RNF212B: variants seen among roughly 807,000 people sequenced by gnomAD.
RNF212B encodes ring finger protein 212B, also known as E3 ubiquitin-protein ligase RNF212B.
A neutral mutation model predicts 55.5 loss-of-function variants in RNF212B; 52 were observed. That is an observed-to-expected ratio of 0.94 (90% CI 0.75 to 1.18). The LOEUF is 1.18. Ranked by LOEUF, RNF212B falls within the 50% of genes most tolerant of loss-of-function variation. RNF212B has a pLI of 0.00. For missense variants in RNF212B, 289 were observed against 350.4 expected (o/e 0.82, Z 1.40); for synonymous variants, 99 against 121.4 (o/e 0.82, Z 1.21).
chr14:23,267,003 C>T (rs1356299278), intron 11 of RNF212B, among the ~76,000 whole-genome samples: 2 of 152,110 alleles, frequency 1.3e-5, no homozygotes, highest in Non-Finnish European at 2.9e-5. Context: ...GAGTCTCGTG[C>T]TGTTGTTGAT....
chr14:23,258,462 T>A (rs1885022958), intron 4 of RNF212B, 87 bp from the exon 5 acceptor site: 1 of 590,744 alleles, frequency 1.7e-6, no homozygotes. Flanking sequence ...TATAATAAAG[T>A]GTGATTTGAT....
intron 2 of RNF212B, among the ~76,000 whole-genome samples, chr14:23,196,550 C>T (rs544783459): frequency 6.6e-6 from 1 of 152,362 alleles, no homozygotes; most frequent in South Asian, 2.1e-4. Flanking sequence ...AGCAATCCTC[C>T]CGCCTCAGCC....
intron 2 of RNF212B, among the ~76,000 whole-genome samples, chr14:23,228,140 G>A (rs919813973): frequency 3.3e-5 from 5 of 152,004 alleles, no homozygotes; most frequent in African/African-American, 1.2e-4. Flanking sequence ...TGAGGCAGGA[G>A]AATTGCTTGA....
In RNF212B at chr14:23,214,827, C is replaced by A. The variant is rs150902568; in HGVS notation, c.-2+21426C>A. ...ATATTAGAAGAAATAATGGCTGAAA[C>A]CTTTCCAAATCTGTTGAAAGAAATA... On this transcript the variant is annotated intron_variant, in intron 2 of 15. Coordinates refer to the RNF212B transcript ENST00000399910. Among the ~76,000 whole-genome samples the A allele has an allele frequency of 1.8e-3, 268 of 152,094 alleles. 2 individuals carry two copies. Among genetic ancestry groups the A allele is most frequent in the African/African-American group, 5.9e-3 (245 of 41,468 alleles).
At chr14:23,228,599 T>G (rs1387807655) in intron 2 of RNF212B, among the ~76,000 whole-genome samples, 3 of 149,848 alleles carry the variant, frequency 2.0e-5, no homozygotes, top group Non-Finnish European at 4.5e-5. Context: ...CAGTGACTTG[T>G]GATCACATTA....
chr14:23,213,247 A>C (rs991377886), intron 2 of RNF212B, among the ~76,000 whole-genome samples: 3 of 151,760 alleles, frequency 2.0e-5, no homozygotes, highest in Non-Finnish European at 4.4e-5. Flanking sequence ...CGTGAGGCGG[A>C]GCTTGCAGTG....
chr14:23,249,360 A>G (rs922251820), intron 4 of RNF212B, among the ~76,000 whole-genome samples: 18 of 152,164 alleles, frequency 1.2e-4, no homozygotes, highest in Non-Finnish European at 2.9e-5. Flanking sequence ...AGCTTGGGCA[A>G]CATAGTGAAA....
intron 4 of RNF212B, among the ~76,000 whole-genome samples, chr14:23,245,456 CA>C (rs1883916667): frequency 6.6e-6 from 1 of 152,298 alleles, no homozygotes; most frequent in African/African-American, 2.4e-5. Flanking sequence ...AGTTAATGAT[CA>C]GTAGAGAAAT....
chr14:23,204,918 T>C (rs1422982096), intron 2 of RNF212B, among the ~76,000 whole-genome samples: 1 of 152,180 alleles, frequency 6.6e-6, no homozygotes, highest in African/African-American at 2.4e-5. Flanking sequence ...GTACTTTTCC[T>C]TGTAGAGGTC....
chr14:23,233,738 T>C (rs1882898380), upstream of RNF212B, among the ~76,000 whole-genome samples: 1 of 112,528 alleles, frequency 8.9e-6, no homozygotes, highest in Admixed American at 9.0e-5. Context: ...TGAGACCCTG[T>C]CTCAAAAAAA....
At chr14:23,257,050 G>A (rs1340703880) in intron 4 of RNF212B, among the ~76,000 whole-genome samples, 1 of 152,144 alleles carries the variant, frequency 6.6e-6, no homozygotes, top group Non-Finnish European at 1.5e-5. Flanking sequence ...CTACTCAGGA[G>A]GCTGAGGCAG....
chr14:23,264,686 A>C lies in RNF212B; in HGVS notation c.634+15A>C. 2 of 1,279,376 alleles carry C rather than the reference A, an allele frequency of 1.6e-6. No homozygotes were observed. The highest frequency in any genetic ancestry group is 6.6e-5 in the South Asian group (2 of 30,444). 79.3% of individuals were successfully genotyped at this position (1,279,376 alleles called of 1,614,324 possible). A position where few individuals can be genotyped will look rare whatever the true frequency, so the allele number is the denominator to read the frequency against. ...CTCTTATAATGGTGAGGTGGGGGGAAAAGGGTGTCAGAAATCAACTTACTC... is the reference window on the plus strand; with the variant it reads ...CTCTTATAATGGTGAGGTGGGGGGACAAGGGTGTCAGAAATCAACTTACTC... On this transcript the variant is annotated intron_variant, in intron 11 of 14. Coordinates refer to ENST00000430154, the MANE Select transcript of RNF212B (RefSeq NM_001282322.3).
intron 1 of RNF212B, among the ~76,000 whole-genome samples, chr14:23,189,605 C>A (rs999148455): frequency 6.6e-6 from 1 of 151,844 alleles, no homozygotes; most frequent in Non-Finnish European, 1.5e-5. Context: ...GAATTTGAGA[C>A]CAGCCTGGGC....
At chr14:23,210,910 A>G (rs1032608555) in intron 2 of RNF212B, among the ~76,000 whole-genome samples, 2 of 152,148 alleles carry the variant, frequency 1.3e-5, no homozygotes, top group Non-Finnish European at 2.9e-5. Context: ...CAAAATAAAA[A>G]GCTATTTTAC....
rs1885040493 is a variant in RNF212B, at chr14:23,258,634, A to G, written c.314A>G (p.Glu105Gly). ...ACAAAGTTAGAAACAGCCATGCAGGAGGCACAGCAAGCACTGGTGAGCCAG... is the reference window on the plus strand; with the variant it reads ...ACAAAGTTAGAAACAGCCATGCAGGGGGCACAGCAAGCACTGGTGAGCCAG... ...RITKLETAMQ[E>G]AQQALVSQDK... Residue 105 changes from glutamate to glycine, a missense_variant, in exon 5 of 15, where the codon GAG becomes GGG. Coordinates refer to ENST00000430154, the MANE Select transcript of RNF212B (RefSeq NM_001282322.3). The G allele has an allele frequency of 6.5e-7, 1 of 1,537,550 alleles. No homozygotes were observed.
Position 23,208,387 on chromosome 14 carries a change from C to A in RNF212B, c.-2+14986C>A, listed in dbSNP as rs1880069543. 2.0e-5 allele frequency among the ~76,000 whole-genome samples: 3 copies of A among 152,078 alleles called. No individual in the cohort carries two copies. In the South Asian group the frequency reaches 6.2e-4, roughly 32 times the overall value. ...TGGTGTGTGCCTGTAGTTCTAGCTA[C>A]CTGGAAGATTGGAGCTGGAGAATAA... On this transcript the variant is annotated intron_variant, in intron 2 of 15. Transcript: ENST00000399910.
intron 2 of RNF212B, among the ~76,000 whole-genome samples, chr14:23,232,466 G>A (rs1396623817): frequency 8.7e-6 from 1 of 114,838 alleles, no homozygotes; most frequent in Non-Finnish European, 2.1e-5. Flanking sequence ...CGTCTGAGAA[G>A]TGAGGAGCCC....
exon 2 of RNF212B, chr14:23,193,333 T>C (rs938121061): frequency 6.6e-6 from 1 of 152,114 alleles, no homozygotes; most frequent in Non-Finnish European, 1.5e-5. Context: ...AGAAAGCTGT[T>C]GGAGAATGTG....
chr14:23,272,706 G>A lies in RNF212B; in HGVS notation c.835-117G>A, dbSNP rs1278330757. 6 of 711,380 alleles carry A rather than the reference G, an allele frequency of 8.4e-6. No homozygotes were observed. In the East Asian group the frequency reaches 1.4e-4, roughly 16 times the overall value. 44.1% of individuals were successfully genotyped at this position (711,380 alleles called of 1,614,324 possible). The stretch of plus-strand genomic sequence containing the variant: ...TTATCATGCAATGAAGAAAACTATG[G>A]GGAAGCAAAAGCAGTGGTGTCTGTC... On this transcript the variant is annotated intron_variant, in intron 14 of 14. Coordinates refer to ENST00000430154, the MANE Select transcript of RNF212B (RefSeq NM_001282322.3).
Sources: allele counts gnomAD v4.1 joint callset (sites outside exome capture counted in the v4.1 genomes callset), GRCh38; gene constraint gnomAD v4.1.1; transcripts MANE v1.5; gene names NCBI Gene and HGNC (gene_info 2026-07-23, HGNC 2026-07-21).